CTBP2: variants seen among roughly 807,000 people sequenced by gnomAD.
CTBP2 encodes the protein C-terminal binding protein 2, also known as C-terminal-binding protein 2.
A neutral mutation model predicts 80.3 loss-of-function variants in CTBP2; 30 were observed. The observed-to-expected ratio is 0.37, with a 90% CI of 0.28 to 0.51. The LOEUF is 0.51. CTBP2 is among the 20% of genes least tolerant of loss of function. The pLI is 0.93. For synonymous variants in CTBP2, 594 were observed against 587.4 expected (o/e 1.01, Z -0.16); for missense variants, 1,212 against 1,375.3 (o/e 0.88, Z 1.88).
intron 2 of CTBP2, among the ~76,000 whole-genome samples, chr10:125,106,749 A>T (rs1204707148): frequency 6.6e-6 from 1 of 152,256 alleles, no homozygotes; most frequent in Non-Finnish European, 1.5e-5. Context: ...CATGGGTCAC[A>T]GTGGGAAAAT....
At chr10:125,078,400 T>C (rs1201863105) in intron 2 of CTBP2, among the ~76,000 whole-genome samples, 1 of 152,202 alleles carries the variant, frequency 6.6e-6, no homozygotes, top group Non-Finnish European at 1.5e-5. Flanking sequence ...AAGATTATTT[T>C]TGTCTACAGC....
At chr10:125,080,171 C>T (rs1298607509) in intron 2 of CTBP2, among the ~76,000 whole-genome samples, 1 of 152,172 alleles carries the variant, frequency 6.6e-6, no homozygotes, top group Non-Finnish European at 1.5e-5. Flanking sequence ...TTTAACTTCA[C>T]TGAGGGGCCC....
chr10:125,072,635 A>G (rs1386016434), intron 2 of CTBP2, among the ~76,000 whole-genome samples: 61 of 18,806 alleles, frequency 3.2e-3, no homozygotes, highest in East Asian at 0.029. Context: ...AAAAGAAAAG[A>G]AAAAAAAAAA....
chr10:125,115,617 T>C (rs139439443), intron 1 of CTBP2, among the ~76,000 whole-genome samples: 85 of 152,276 alleles, frequency 5.6e-4, no homozygotes, highest in African/African-American at 2.0e-3. Flanking sequence ...TGTGTCATCA[T>C]CAGACTCCAG....
rs201677895 is a variant in CTBP2 at position 124,991,903 on chromosome 10, G to GT, written c.2777+791_2777+792insA. On this transcript the variant is annotated intron_variant, in intron 8 of 8. Transcript: ENST00000309035. ...GGAAGCCAGCAATAATGGGGGGGGG[G>GT]GTGTGGGAGAAAACCGATTCGTGCA... Among the ~76,000 whole-genome samples the GT allele has an allele frequency of 2.9e-3, 408 of 142,764 alleles. 7 individuals are homozygous for GT. The highest frequency in any genetic ancestry group is 9.7e-3 in the African/African-American group (382 of 39,314). 93.7% of individuals were successfully genotyped at this position (142,764 alleles called of 152,430 possible).
intron 2 of CTBP2, among the ~76,000 whole-genome samples, chr10:125,060,082 G>A (rs1026353403): frequency 6.6e-5 from 10 of 152,136 alleles, no homozygotes; most frequent in Admixed American, 3.3e-4. Context: ...GGGCAGATTC[G>A]AACCGTCTAT....
chr10:125,142,872 G>A (rs11245517), intron 1 of CTBP2, among the ~76,000 whole-genome samples: 25,076 of 152,068 alleles, frequency 0.16, 2,420 homozygotes, highest in South Asian at 0.21. Context: ...GCTTCAGATG[G>A]TTTACTCAGG....
At chr10:125,121,272 T>C (rs945880448) in intron 1 of CTBP2, among the ~76,000 whole-genome samples, 1 of 152,206 alleles carries the variant, frequency 6.6e-6, no homozygotes, top group African/African-American at 2.4e-5. Context: ...GCGCTCAGCG[T>C]GGCGCCTGGC....
At chr10:125,050,254 G>T (rs966167258) in intron 2 of CTBP2, among the ~76,000 whole-genome samples, 1 of 152,200 alleles carries the variant, frequency 6.6e-6, no homozygotes, top group African/African-American at 2.4e-5. Context: ...CCTGCGACAG[G>T]TCGTGGAAAT....
At chr10:125,028,604 T>C (rs1314990835), upstream of CTBP2, among the ~76,000 whole-genome samples, 1 of 152,236 alleles carries the variant, frequency 6.6e-6, no homozygotes, top group Admixed American at 6.5e-5. Flanking sequence ...ACCTTATTAC[T>C]GTGAAACACA....
intron 2 of CTBP2, among the ~76,000 whole-genome samples, chr10:125,088,659 CTCCTGGAAATT>C (rs1210894049): frequency 6.6e-6 from 1 of 152,206 alleles, no homozygotes; most frequent in Non-Finnish European, 1.5e-5. Context: ...AAATGTCTCT[CTCCTGGAAATT>C]ACACAGTAAG....
intron 2 of CTBP2, among the ~76,000 whole-genome samples, chr10:125,078,076 C>G (rs905835240): frequency 1.3e-5 from 2 of 152,034 alleles, no homozygotes; most frequent in African/African-American, 4.8e-5. Context: ...GTCAGGAGAT[C>G]GACACCATCC....
intron 2 of CTBP2, among the ~76,000 whole-genome samples, chr10:125,101,383 G>A (rs1434982962): frequency 6.6e-6 from 1 of 152,254 alleles, no homozygotes; most frequent in Non-Finnish European, 1.5e-5. Context: ...CATGTTCCCA[G>A]GGAAGGATGT....
chr10:125,127,205 ATG>A (rs1195554135), intron 1 of CTBP2, among the ~76,000 whole-genome samples: 1 of 152,222 alleles, frequency 6.6e-6, no homozygotes, highest in East Asian at 1.9e-4. Context: ...GTCCAACTGC[ATG>A]TTCCATCAAC....
intron 2 of CTBP2, among the ~76,000 whole-genome samples, chr10:125,089,714 T>C (rs1221089353): frequency 6.6e-6 from 1 of 152,166 alleles, no homozygotes; most frequent in Non-Finnish European, 1.5e-5. Context: ...GAACTACACA[T>C]GCATTTCCTG....
At chr10:125,033,601 G>A (rs74163317) in intron 3 of CTBP2, among the ~76,000 whole-genome samples, 5 of 152,146 alleles carry the variant, frequency 3.3e-5, no homozygotes, top group African/African-American at 9.7e-5. Context: ...CTCCGCATTC[G>A]TGCGGGCTGC....
rs571010584 is a variant in CTBP2 at position 125,074,948 on chromosome 10, G to A, written c.-101-35793C>T. ...TACCTTGACTACGACTTCCACAGGC[G>A]GAGCCGAGAAAACAATAATAGGTGG... On this transcript the variant is annotated intron_variant, in intron 2 of 10. Coordinates refer to the CTBP2 transcript ENST00000337195. Among the ~76,000 whole-genome samples the A allele has an allele frequency of 1.1e-4, 16 of 152,296 alleles. No individual in the cohort carries two copies. The East Asian group carries it at 1.9e-3, about 18-fold the overall frequency.
At chr10:125,006,110 G>A in intron 1 of CTBP2, 2 of 905,092 alleles carry the variant, frequency 2.2e-6, no homozygotes, top group Non-Finnish European at 2.9e-6. Context: ...GACACGGGTT[G>A]CCTTTCTCCT....
chr10:125,146,883 G>A (rs1346418464), intron 1 of CTBP2, among the ~76,000 whole-genome samples: 1 of 152,168 alleles, frequency 6.6e-6, no homozygotes, highest in Non-Finnish European at 1.5e-5. Context: ...CAGTATCTGT[G>A]AATGAATATC....
Sources: gnomAD v4.1 joint callset for allele counts (sites outside exome capture counted in the v4.1 genomes callset) on GRCh38, gnomAD v4.1.1 for gene constraint, MANE v1.5 for transcripts, NCBI Gene and HGNC (gene_info 2026-07-23, HGNC 2026-07-21) for gene names.